Variants in THSD7A observed in about 807,000 individuals in gnomAD.
THSD7A encodes thrombospondin type 1 domain containing 7A, also known as thrombospondin type-1 domain-containing protein 7A.
In THSD7A, 96 loss-of-function variants were observed where a neutral mutation model predicts 231.3. The observed-to-expected ratio is 0.41, with a 90% CI of 0.35 to 0.49. The LOEUF is 0.49. Among genes scored for constraint, THSD7A ranks in the 20% least tolerant of loss-of-function variants. The pLI is 0.05. For synonymous variants in THSD7A, 940 were observed against 743.3 expected, an observed-to-expected ratio of 1.26 and a Z score of -4.30; for missense variants, 2,290 against 2,070.2, an observed-to-expected ratio of 1.11 and a Z score of -2.06.
intron 1 of THSD7A, among the ~76,000 whole-genome samples, chr7:11,731,780 G>A (rs1261204157): frequency 6.6e-6 from 1 of 151,640 alleles, no homozygotes; most frequent in African/African-American, 2.4e-5. Flanking sequence ...AATCTAATTT[G>A]TGTTTGTGGG....
intron 6 of THSD7A, among the ~76,000 whole-genome samples, chr7:11,527,525 T>C (rs542280555): frequency 1.4e-3 from 211 of 152,286 alleles, no homozygotes; most frequent in Middle Eastern, 3.4e-3. Context: ...AAACCAGTTC[T>C]AGAAGAATCC....
intron 2 of THSD7A, among the ~76,000 whole-genome samples, chr7:11,621,265 T>C (rs950322164): frequency 6.6e-6 from 1 of 152,190 alleles, no homozygotes; most frequent in South Asian, 2.1e-4. Context: ...ACATAATCCA[T>C]TATACGTTTC....
intron 1 of THSD7A, among the ~76,000 whole-genome samples, chr7:11,708,686 C>T (rs995485557): frequency 1.7e-4 from 25 of 150,912 alleles, no homozygotes; most frequent in African/African-American, 5.3e-4. Context: ...TGTCTGCCTT[C>T]TCTTAATTCA....
chr7:11,373,485 A>AT lies in THSD7A; in HGVS notation c.*2308dup, dbSNP rs1782140864. 6.6e-6 allele frequency: 1 copy of AT among 152,156 alleles called. No individual in the cohort carries two copies. Among genetic ancestry groups the AT allele is most frequent in the African/African-American group, 2.4e-5 (1 of 41,554 alleles). 9.4% of individuals were successfully genotyped at this position (152,156 alleles called of 1,614,324 possible). On this transcript the variant is annotated 3_prime_UTR_variant, in exon 28 of 28. Coordinates refer to ENST00000423059, the MANE Select transcript of THSD7A (RefSeq NM_015204.3). Reference sequence around the variant, plus strand: ...TTTTTCTTCCTCTTTAATAAAACAGATAAAATGGACTTTGTTTTTATGGTT... The same window carrying AT: ...TTTTTCTTCCTCTTTAATAAAACAGATTAAAATGGACTTTGTTTTTATGGTT...
intron 1 of THSD7A, among the ~76,000 whole-genome samples, chr7:11,678,471 G>C (rs895379367): frequency 7.2e-5 from 11 of 152,058 alleles, no homozygotes; most frequent in Admixed American, 5.2e-4. Context: ...AAGAAGAAAA[G>C]AGAGAAGAAT....
intron 1 of THSD7A, among the ~76,000 whole-genome samples, chr7:11,673,659 G>T (rs1373587517): frequency 6.6e-6 from 1 of 152,166 alleles, no homozygotes; most frequent in Non-Finnish European, 1.5e-5. Context: ...AGAACACAGT[G>T]CAGTGCAGTT....
intron 4 of THSD7A, among the ~76,000 whole-genome samples, chr7:11,575,556 T>C (rs1790860122): frequency 6.6e-6 from 1 of 152,196 alleles, no homozygotes; most frequent in South Asian, 2.1e-4. Flanking sequence ...TGCATTGAAC[T>C]GCACCTAAGC....
At chr7:11,773,182 A>C (rs1040208916) in intron 1 of THSD7A, among the ~76,000 whole-genome samples, 1 of 152,236 alleles carries the variant, frequency 6.6e-6, no homozygotes, top group Non-Finnish European at 1.5e-5. Flanking sequence ...CAAAAAATGC[A>C]TATTTATGGA....
intron 2 of THSD7A, among the ~76,000 whole-genome samples, chr7:11,596,440 G>A (rs6979249): frequency 0.039 from 5,985 of 152,132 alleles, 365 homozygotes; most frequent in African/African-American, 0.13. Context: ...TCCTGTGGTC[G>A]TTTCCCCAGG....
chr7:11,726,236 C>T (rs765788022), intron 1 of THSD7A, among the ~76,000 whole-genome samples: 4 of 151,888 alleles, frequency 2.6e-5, no homozygotes, highest in Non-Finnish European at 4.4e-5. Context: ...GAAAAGGGAG[C>T]TCTGAATAAA....
Position 11,461,908 on chromosome 7 carries a change from T to C in THSD7A, c.2501+103A>G, listed in dbSNP as rs1785518790. 27 of 1,404,902 alleles carry C rather than the reference T, an allele frequency of 1.9e-5. 1 individual carries two copies. In the East Asian group the frequency reaches 5.1e-4, roughly 26 times the overall value. The allele number at this position is 1,404,902 out of a possible 1,614,324, so 87.0% of individuals were successfully genotyped here. A position where few individuals can be genotyped will look rare whatever the true frequency, so the allele number is the denominator to read the frequency against. On this transcript the variant is annotated intron_variant, in intron 10 of 27. Coordinates refer to ENST00000423059, the MANE Select transcript of THSD7A (RefSeq NM_015204.3). ...ATAAACATCCCAACTCCATTGAGCC[T>C]GTGGAAGGAACAGTGTTGACTTCCT...
At chr7:11,442,674 C>T (rs966904069) in intron 13 of THSD7A, among the ~76,000 whole-genome samples, 1 of 152,008 alleles carries the variant, frequency 6.6e-6, no homozygotes, top group Admixed American at 6.6e-5. Flanking sequence ...TTAAGGAAAG[C>T]AGGAATTCCC....
At chr7:11,734,844 C>T (rs116632045) in intron 1 of THSD7A, among the ~76,000 whole-genome samples, 2,855 of 151,944 alleles carry the variant, frequency 0.019, 91 homozygotes, top group African/African-American at 0.064. Context: ...ATTGAATAAA[C>T]CCATTTTTTC....
At chr7:11,677,573 C>T (rs1265689226) in intron 1 of THSD7A, among the ~76,000 whole-genome samples, 1 of 42,828 alleles carries the variant, frequency 2.3e-5, no homozygotes, top group Non-Finnish European at 4.0e-5. Flanking sequence ...ATTGACCAAG[C>T]AAATGGAAAG....
intron 4 of THSD7A, among the ~76,000 whole-genome samples, chr7:11,559,143 C>T (rs919239874): frequency 3.9e-5 from 6 of 152,072 alleles, no homozygotes; most frequent in South Asian, 4.1e-4. Context: ...TCTTTGAACT[C>T]GAAGGAACTG....
intron 4 of THSD7A, among the ~76,000 whole-genome samples, chr7:11,550,230 A>T (rs1789570774): frequency 2.0e-5 from 3 of 152,180 alleles, no homozygotes; most frequent in African/African-American, 4.8e-5. Context: ...ATGCAATCCC[A>T]TTCACAATAG....
At chr7:11,433,561 T>C (rs1784543200) in intron 13 of THSD7A, among the ~76,000 whole-genome samples, 1 of 152,026 alleles carries the variant, frequency 6.6e-6, no homozygotes, top group African/African-American at 2.4e-5. Flanking sequence ...AAAAGAGCAC[T>C]AGTATTTCAA....
chr7:11,736,773 T>C (rs974057438), intron 1 of THSD7A, among the ~76,000 whole-genome samples: 4 of 151,910 alleles, frequency 2.6e-5, no homozygotes, highest in Non-Finnish European at 4.4e-5. Flanking sequence ...AAAAACTGAC[T>C]CTTTGAAAGT....
At chr7:11,635,515 G>C (rs991443491) in intron 2 of THSD7A, among the ~76,000 whole-genome samples, 6 of 152,108 alleles carry the variant, frequency 3.9e-5, no homozygotes, top group Admixed American at 1.3e-4. Context: ...TTTCTGTCTA[G>C]AAAATGAAGC....
Sources: gnomAD v4.1 joint callset for allele counts (sites outside exome capture counted in the v4.1 genomes callset) on GRCh38, gnomAD v4.1.1 for gene constraint, MANE v1.5 for transcripts, NCBI Gene and HGNC (gene_info 2026-07-23, HGNC 2026-07-21) for gene names.